SPRED1: variants seen among roughly 807,000 people sequenced by gnomAD.
The protein encoded by SPRED1 is sprouty-related, EVH1 domain-containing protein 1.
A neutral mutation model predicts 52.3 loss-of-function variants in SPRED1; 18 were observed. That is an observed-to-expected ratio of 0.34 (90% CI 0.24 to 0.51). SPRED1 has a LOEUF of 0.51. Ranked by LOEUF, SPRED1 falls within the 20% of genes least tolerant of loss-of-function variation. The pLI, the probability that SPRED1 is intolerant of heterozygous loss-of-function variation, is 0.97. For synonymous variants in SPRED1, 155 were observed against 179.7 expected (o/e 0.86, Z 1.10); for missense variants, 485 against 551.0 (o/e 0.88, Z 1.20).
chr15:38,345,179 A>T (rs991999959), intron 5 of SPRED1, among the ~76,000 whole-genome samples: 11 of 152,218 alleles, frequency 7.2e-5, no homozygotes, highest in African/African-American at 2.7e-4. Flanking sequence ...GGATACTAGG[A>T]CTAAAGTCGT....
rs571234463 is a variant in SPRED1 at position 38,281,106 on chromosome 15, A to T, written c.33-18267A>T. ...ATTGAAAACCTCATATAATAATGGG[A>T]GTAAACTTAGACTCTTTTGTCCCTG... On this transcript the variant is annotated intron_variant, in intron 1 of 6. Coordinates refer to ENST00000299084, the MANE Select transcript of SPRED1 (RefSeq NM_152594.3). 2.6e-5 allele frequency among the ~76,000 whole-genome samples: 4 copies of T among 152,346 alleles called. No homozygotes were observed. In the South Asian group the frequency reaches 8.3e-4, roughly 32 times the overall value.
intron 1 of SPRED1, among the ~76,000 whole-genome samples, chr15:38,258,391 A>G (rs1894143772): frequency 1.3e-5 from 2 of 152,154 alleles, no homozygotes; most frequent in Non-Finnish European, 2.9e-5. Context: ...TGGCTACATT[A>G]TGTTCAGTGT....
intron 1 of SPRED1, among the ~76,000 whole-genome samples, chr15:38,294,843 T>C (rs1444599907): frequency 2.0e-5 from 3 of 152,216 alleles, no homozygotes; most frequent in African/African-American, 7.2e-5. Flanking sequence ...TGATTAAAGC[T>C]ATGTACTATC....
chr15:38,262,880 A>G (rs938969817), intron 1 of SPRED1, among the ~76,000 whole-genome samples: 1 of 152,226 alleles, frequency 6.6e-6, no homozygotes, highest in Non-Finnish European at 1.5e-5. Flanking sequence ...ATCTTTAGTC[A>G]GTAAGGATAC....
At chr15:38,264,522 C>T (rs914784845) in intron 1 of SPRED1, among the ~76,000 whole-genome samples, 2 of 151,772 alleles carry the variant, frequency 1.3e-5, no homozygotes, top group African/African-American at 4.8e-5. Flanking sequence ...AAAGTAGAAA[C>T]AGGGATGAAG....
chr15:38,268,665 G>A (rs1359077305), intron 1 of SPRED1, among the ~76,000 whole-genome samples: 1 of 152,124 alleles, frequency 6.6e-6, no homozygotes, highest in Non-Finnish European at 1.5e-5. Flanking sequence ...AAAAGATATT[G>A]TTAATACTGT....
intron 1 of SPRED1, among the ~76,000 whole-genome samples, chr15:38,283,173 AG>A (rs1387209993): frequency 6.6e-6 from 1 of 152,208 alleles, no homozygotes; most frequent in Non-Finnish European, 1.5e-5. Context: ...AAGGGGAAGT[AG>A]GCGCCTTCCT....
chr15:38,350,659 C>T (rs1365720510), intron 6 of SPRED1, among the ~76,000 whole-genome samples: 1 of 152,128 alleles, frequency 6.6e-6, no homozygotes, highest in African/African-American at 2.4e-5. Context: ...GTAAGTGGCT[C>T]ATGCAATAGT....
Position 38,322,406 on chromosome 15 carries a change from C to T in SPRED1, c.373C>T (p.Gln125Ter), listed in dbSNP as rs767771754. Residue 125 changes from glutamine (Q) to a stop codon, truncating the protein, a stop_gained, in exon 3 of 7, where the codon CAA (glutamine) becomes TAA (stop). Coordinates refer to ENST00000299084, the MANE Select transcript of SPRED1 (RefSeq NM_152594.3). LOFTEE classifies it high-confidence loss of function. ...CCGAAGAGCTATAGAGGATATTTCT[C>T]AAGGTAGGTATTCTTGACTATTTTC... The part of the protein sequence containing the change: ...GIRRAIEDIS[Q>*]GCPESKNEAE... 1 of 1,613,220 alleles carries T rather than the reference C, an allele frequency of 6.2e-7. No homozygotes were observed. Among genetic ancestry groups the T allele is most frequent in the African/African-American group, 1.3e-5 (1 of 74,870 alleles).
chr15:38,342,115 T>G (rs1896044420), intron 5 of SPRED1, among the ~76,000 whole-genome samples: 1 of 150,970 alleles, frequency 6.6e-6, no homozygotes, highest in Non-Finnish European at 1.5e-5. Flanking sequence ...TTGATATAAA[T>G]CTACCATTTT....
At chr15:38,255,934 C>G (rs1398999273) in intron 1 of SPRED1, among the ~76,000 whole-genome samples, 1 of 152,142 alleles carries the variant, frequency 6.6e-6, no homozygotes, top group Non-Finnish European at 1.5e-5. Context: ...ACCATTAACC[C>G]TTTCTAGATA....
At chr15:38,341,454 A>G (rs191362584) in intron 5 of SPRED1, among the ~76,000 whole-genome samples, 1 of 151,538 alleles carries the variant, frequency 6.6e-6, no homozygotes, top group East Asian at 1.9e-4. Flanking sequence ...ATTTAAGGCT[A>G]TAAATTTTCA....
Position 38,313,917 on chromosome 15 carries a change from A to T in SPRED1, c.208-8324A>T, listed in dbSNP as rs187808040. On this transcript the variant is annotated intron_variant, in intron 2 of 6. Coordinates refer to ENST00000299084, the MANE Select transcript of SPRED1 (RefSeq NM_152594.3). ...CAAATTTTTATATGGAGTTAATTTC[A>T]TTATCTTTTAGGTCTAAGGGTTTTC... is the stretch of plus-strand genomic sequence containing the variant. Among the ~76,000 whole-genome samples the T allele has an allele frequency of 2.2e-4, 33 of 151,628 alleles. 1 individual carries two copies. The East Asian group carries it at 6.2e-3, about 28-fold the overall frequency.
At position 38,252,913 on chromosome 15, in the gene SPRED1, G is replaced by A; in HGVS notation, c.-273G>A. 1.8e-6 allele frequency: 1 copy of A among 562,678 alleles called. No individual in the cohort carries two copies. Among genetic ancestry groups the A allele is most frequent in the Non-Finnish European group, 3.2e-6 (1 of 314,250 alleles). 34.9% of individuals were successfully genotyped at this position (562,678 alleles called of 1,614,324 possible). A position where few individuals can be genotyped will look rare whatever the true frequency, so the allele number is the denominator to read the frequency against. On this transcript the variant is annotated 5_prime_UTR_variant, in exon 1 of 7. Coordinates refer to ENST00000299084, the MANE Select transcript of SPRED1 (RefSeq NM_152594.3). ...GCCCCTCTCTTTTTCCCTTTCCACC[G>A]GGCCTCCTCGGATCCCTTGGCTGGG...
chr15:38,350,959 AC>A (rs1431336385), intron 6 of SPRED1, 54 bp from the exon 7 acceptor site: 6 of 1,529,114 alleles, frequency 3.9e-6, no homozygotes, highest in Non-Finnish European at 5.4e-6. Flanking sequence ...CCAAGGTGAC[AC>A]GTAAAATTAA....
intron 2 of SPRED1, among the ~76,000 whole-genome samples, chr15:38,320,823 A>G (rs1895586727): frequency 6.6e-6 from 1 of 152,176 alleles, no homozygotes; most frequent in Non-Finnish European, 1.5e-5. Flanking sequence ...TAATATATCC[A>G]CTTTTGTTTT....
chr15:38,297,085 T>A (rs7180300), intron 1 of SPRED1, among the ~76,000 whole-genome samples: 145,973 of 152,210 alleles, frequency 0.96, 70,265 homozygotes, highest in East Asian at 1. Flanking sequence ...TTGATCTTGG[T>A]TTTCCCAGCC....
intron 1 of SPRED1, among the ~76,000 whole-genome samples, chr15:38,293,096 C>G (rs1393485489): frequency 3.7e-5 from 1 of 26,784 alleles, no homozygotes; most frequent in Non-Finnish European, 8.5e-5. Flanking sequence ...CCCAAGATTA[C>G]AACTTTTTTT....
At chr15:38,350,324 T>A (rs1406897692) in intron 6 of SPRED1, among the ~76,000 whole-genome samples, 1 of 152,168 alleles carries the variant, frequency 6.6e-6, no homozygotes, top group Admixed American at 6.5e-5. Context: ...CTGGTGTCTT[T>A]CTCTGTGTGT....
Sources: gnomAD v4.1 joint callset for allele counts (sites outside exome capture counted in the v4.1 genomes callset) on GRCh38, gnomAD v4.1.1 for gene constraint, MANE v1.5 for transcripts, NCBI Gene and HGNC (gene_info 2026-07-23, HGNC 2026-07-21) for gene names.